OLA1: variants seen among roughly 807,000 people sequenced by gnomAD.
The protein encoded by OLA1 is Obg like ATPase 1, also known as obg-like ATPase 1.
OLA1 carries 14 observed loss-of-function variants against 48.4 expected under a neutral mutation model. The observed-to-expected ratio is 0.29, with a 90% CI of 0.19 to 0.45. The LOEUF is 0.45. Among genes scored for constraint, OLA1 ranks in the 20% least tolerant of loss-of-function variants. The probability of loss-of-function intolerance (pLI) is 1.00; values close to 1 mark genes in which losing one functional copy is unlikely to be tolerated. For synonymous variants in OLA1, 127 were observed against 150.4 expected, an observed-to-expected ratio of 0.84 and a Z score of 1.14; for missense variants, 325 against 467.1, an observed-to-expected ratio of 0.70 and a Z score of 2.80.
intron 4 of OLA1, among the ~76,000 whole-genome samples, chr2:174,218,832 A>AT (rs559084697): frequency 4.6e-5 from 7 of 151,968 alleles, no homozygotes; most frequent in Non-Finnish European, 8.8e-5. Flanking sequence ...AATCTTTTTT[A>AT]TTTTTTTAGA....
intron 7 of OLA1, among the ~76,000 whole-genome samples, chr2:174,111,666 A>T (rs2105359545): frequency 6.6e-6 from 1 of 152,336 alleles, no homozygotes; most frequent in East Asian, 1.9e-4. Flanking sequence ...AACATTATAC[A>T]AAACATCCAT....
chr2:174,102,392 A>G (rs74393218), intron 7 of OLA1, among the ~76,000 whole-genome samples: 1 of 152,012 alleles, frequency 6.6e-6, no homozygotes, highest in East Asian at 1.9e-4. Flanking sequence ...TGGCCGACAG[A>G]GAAAACTCAG....
At chr2:174,076,817 G>A (rs1012462428) in intron 10 of OLA1, among the ~76,000 whole-genome samples, 2 of 151,066 alleles carry the variant, frequency 1.3e-5, no homozygotes, top group South Asian at 2.1e-4. Flanking sequence ...ATGTGTGTGT[G>A]TATATATATA....
At chr2:174,077,553 G>GTCA (rs1684773709) in intron 10 of OLA1, among the ~76,000 whole-genome samples, 1 of 152,050 alleles carries the variant, frequency 6.6e-6, no homozygotes, top group South Asian at 2.1e-4. Flanking sequence ...AGGTGAAAAT[G>GTCA]TCAGAGTCAA....
At chr2:174,221,570 A>G (rs1370030103) in intron 4 of OLA1, among the ~76,000 whole-genome samples, 1 of 151,942 alleles carries the variant, frequency 6.6e-6, no homozygotes, top group African/African-American at 2.4e-5. Context: ...CTCATACCCA[A>G]ATCTTCAGTT....
At chr2:174,125,258 G>A (rs1304187540) in intron 5 of OLA1, among the ~76,000 whole-genome samples, 1 of 152,118 alleles carries the variant, frequency 6.6e-6, no homozygotes, top group Non-Finnish European at 1.5e-5. Context: ...GCAATTATGT[G>A]CGTCACACTG....
At chr2:174,193,475 G>T in intron 4 of OLA1, among the ~76,000 whole-genome samples, 1 of 151,954 alleles carries the variant, frequency 6.6e-6, no homozygotes. Context: ...TTTTGTTGTT[G>T]TTGTTATTGG....
chr2:174,185,340 A>T lies in OLA1; in HGVS notation c.373+37693T>A, dbSNP rs143977794. 2.6e-5 allele frequency among the ~76,000 whole-genome samples: 4 copies of T among 152,316 alleles called. No homozygotes were observed. The South Asian group carries it at 8.3e-4, about 32-fold the overall frequency. On this transcript the variant is annotated intron_variant, in intron 4 of 10. Coordinates refer to ENST00000284719, the MANE Select transcript of OLA1 (RefSeq NM_013341.5). ...GTGTAGTAAAAAATAAAATAAAATAAAATGTAGTAAAGATGAGCAGCCATG... is the reference window on the plus strand; with the variant it reads ...GTGTAGTAAAAAATAAAATAAAATATAATGTAGTAAAGATGAGCAGCCATG...
chr2:174,224,657 G>T (rs1300729264), intron 3 of OLA1, among the ~76,000 whole-genome samples: 2 of 152,118 alleles, frequency 1.3e-5, no homozygotes, highest in Non-Finnish European at 2.9e-5. Context: ...GTTTACTGGA[G>T]GGGGTGTAGG....
chr2:174,091,856 C>T (rs1364838996), intron 7 of OLA1, among the ~76,000 whole-genome samples: 7 of 94,106 alleles, frequency 7.4e-5, no homozygotes, highest in Admixed American at 4.6e-4. Context: ...TGGGAGACAG[C>T]GAGACTCTGC....
At chr2:174,106,239 GTAAACT>G (rs570586950) in intron 7 of OLA1, among the ~76,000 whole-genome samples, 116 of 151,998 alleles carry the variant, frequency 7.6e-4, no homozygotes, top group African/African-American at 2.6e-3. Flanking sequence ...TCCCAATCTG[GTAAACT>G]TAAACCAAAT....
At chr2:174,169,862 C>T (rs1687254591) in intron 4 of OLA1, among the ~76,000 whole-genome samples, 1 of 152,114 alleles carries the variant, frequency 6.6e-6, no homozygotes, top group South Asian at 2.1e-4. Flanking sequence ...CTGAAATGTA[C>T]ATTTTTAAAT....
At chr2:174,078,920 G>A (rs1279630339) in intron 10 of OLA1, 48 bp downstream of exon 10, 6 of 1,545,598 alleles carry the variant, frequency 3.9e-6, no homozygotes, top group South Asian at 1.2e-5. Context: ...GACTAACTTC[G>A]CATCAGTGGA....
At chr2:174,121,721 G>A (rs1685918746) in intron 7 of OLA1, among the ~76,000 whole-genome samples, 1 of 152,214 alleles carries the variant, frequency 6.6e-6, no homozygotes, top group Non-Finnish European at 1.5e-5. Context: ...AACATGGGGT[G>A]TCTGGCGACA....
chr2:174,156,638 G>A (rs1447797548), intron 4 of OLA1, among the ~76,000 whole-genome samples: 1 of 135,816 alleles, frequency 7.4e-6, no homozygotes, highest in Non-Finnish European at 1.5e-5. Flanking sequence ...AGGCTGGAGT[G>A]CAGTGGCGCC....
chr2:174,105,681 C>G (rs1685498408), intron 7 of OLA1, among the ~76,000 whole-genome samples: 1 of 151,994 alleles, frequency 6.6e-6, no homozygotes, highest in Admixed American at 6.6e-5. Context: ...TACAGATAAT[C>G]TGTTTGCTGA....
At chr2:174,103,796 A>G (rs1294507395) in intron 7 of OLA1, among the ~76,000 whole-genome samples, 1 of 152,130 alleles carries the variant, frequency 6.6e-6, no homozygotes, top group African/African-American at 2.4e-5. Flanking sequence ...AACAAGAGAC[A>G]AGTAACCAAG....
rs568078279 is a variant in OLA1 at position 174,099,036 on chromosome 2, T to C, written c.729-16972A>G. ...CTATTCATTAAAAATCACTGCTGAG[T>C]GATCACCCTGCAGTTTCTAAGAAGG... On this transcript the variant is annotated intron_variant, in intron 7 of 10. Coordinates refer to ENST00000284719, the MANE Select transcript of OLA1 (RefSeq NM_013341.5). 1.6e-4 allele frequency among the ~76,000 whole-genome samples: 25 copies of C among 152,296 alleles called. 1 individual carries two copies. In the South Asian group the frequency reaches 5.2e-3, roughly 32 times the overall value.
chr2:174,135,574 T>C (rs1248363363), intron 5 of OLA1, among the ~76,000 whole-genome samples: 2 of 152,090 alleles, frequency 1.3e-5, no homozygotes, highest in Admixed American at 1.3e-4. Flanking sequence ...GGATGAGATG[T>C]AGATGGTGCA....
Sources: gnomAD v4.1 joint callset for allele counts (sites outside exome capture counted in the v4.1 genomes callset) on GRCh38, gnomAD v4.1.1 for gene constraint, MANE v1.5 for transcripts, NCBI Gene and HGNC (gene_info 2026-07-23, HGNC 2026-07-21) for gene names.